TBCD: variants seen among roughly 807,000 people sequenced by gnomAD.
TBCD encodes the protein tubulin-specific chaperone D.
TBCD carries 105 observed loss-of-function variants against 169.3 expected under a neutral mutation model. The ratio of observed to expected loss-of-function variants is 0.62; its 90% CI spans 0.53 to 0.73. The LOEUF (loss-of-function observed/expected upper bound fraction) is 0.73. TBCD is among the 30% of genes least tolerant of loss of function. The pLI is 0.00. For synonymous variants in TBCD, 700 were observed against 643.9 expected (o/e 1.09, Z -1.32); for missense variants, 1,444 against 1,600.1 (o/e 0.90, Z 1.66).
rs575765328 is a variant in TBCD at position 82,898,972 on chromosome 17, C to G, written c.1650-1679C>G. 1.1e-4 allele frequency among the ~76,000 whole-genome samples: 16 copies of G among 152,372 alleles called. No homozygotes were observed. In the South Asian group the frequency reaches 1.7e-3, roughly 16 times the overall value. On this transcript the variant is annotated intron_variant, in intron 17 of 38. Transcript: ENST00000355528. Reference sequence around the variant, plus strand: ...CTTCCACGGCCAACACTCCTTCCCCCCAGCCTGTGTGCTGCTGCCCTGCCC... The same window carrying G: ...CTTCCACGGCCAACACTCCTTCCCCGCAGCCTGTGTGCTGCTGCCCTGCCC...
intron 17 of TBCD, among the ~76,000 whole-genome samples, chr17:82,894,263 C>T (rs185788217): frequency 6.6e-6 from 1 of 152,236 alleles, no homozygotes; most frequent in Admixed American, 6.5e-5. Context: ...GGGGAGGTTA[C>T]TTCAGTTATC....
intron 13 of TBCD, among the ~76,000 whole-genome samples, chr17:82,823,947 C>T (rs1222333499): frequency 6.6e-6 from 1 of 151,984 alleles, no homozygotes; most frequent in Non-Finnish European, 1.5e-5. Flanking sequence ...TTCCCTTCAA[C>T]CCTTTGTAAC....
intron 17 of TBCD, among the ~76,000 whole-genome samples, chr17:82,898,997 C>G (rs2059682859): frequency 6.6e-6 from 1 of 152,242 alleles, no homozygotes; most frequent in Non-Finnish European, 1.5e-5. Context: ...CTGCCCTGCC[C>G]TCGACGCGGA....
At position 82,789,431 on chromosome 17, in the gene TBCD, C is replaced by T. The variant is rs1337541960; in HGVS notation, c.771+7710C>T. On this transcript the variant is annotated intron_variant, in intron 7 of 38. Transcript: ENST00000355528. The surrounding 1 kb of genome is among the most constrained non-coding windows in gnomAD (Gnocchi z 4.8). ...GGTCATGTGCTAGACGGGGAGGGGG[C>T]TTGGCGGGTCACCAGCCTCACCCCG... 1.3e-5 allele frequency among the ~76,000 whole-genome samples: 2 copies of T among 152,214 alleles called. No homozygotes were observed. The highest frequency in any genetic ancestry group is 4.8e-5 in the African/African-American group (2 of 41,456).
intron 14 of TBCD, among the ~76,000 whole-genome samples, chr17:82,882,777 G>A (rs1015839138): frequency 6.6e-6 from 1 of 152,116 alleles, no homozygotes; most frequent in African/African-American, 2.4e-5. Context: ...AGGCCAGTGG[G>A]TCTGGGTCTG....
At chr17:82,926,870 C>G (rs1053080500) in intron 28 of TBCD, 3 of 501,646 alleles carry the variant, frequency 6.0e-6, no homozygotes, top group Non-Finnish European at 7.1e-6. Flanking sequence ...GGAGCAGTCC[C>G]GCGGGGGCCA....
chr17:82,921,217 T>G, intron 24 of TBCD: 1 of 510,116 alleles, frequency 2.0e-6, no homozygotes, highest in Non-Finnish European at 3.5e-6. Flanking sequence ...AGGAAAAGAT[T>G]TAGGGGTAAC....
In TBCD at chr17:82,807,615, G is replaced by A. The variant is rs372440113; in HGVS notation, c.1095G>A (p.Leu365=). The A allele has an allele frequency of 6.5e-7, 1 of 1,542,918 alleles. No individual in the cohort carries two copies. The highest frequency in any genetic ancestry group is 8.7e-7 in the Non-Finnish European group (1 of 1,143,432). Residue 365 remains leucine, a synonymous_variant, in exon 11 of 39, where the codon CTG becomes CTA. Transcript: ENST00000355528. The part of the protein sequence containing the change: ...PEGVERVIEQ[L]LVGLKDKDTV... The stretch of plus-strand genomic sequence containing the variant: ...ACCTTCCTCTTCCTACAGAGCAGCT[G>A]CTGGTCGGGCTGAAGGACAAGGACA...
intron 16 of TBCD, among the ~76,000 whole-genome samples, chr17:82,892,032 T>C (rs965784045): frequency 6.6e-6 from 1 of 152,112 alleles, no homozygotes; most frequent in African/African-American, 2.4e-5. Context: ...GGCCCCCCAC[T>C]TCCCCCCTGC....
rs750618427 is a variant in TBCD at position 82,831,862 on chromosome 17, G to A, written c.1318+16928G>A. ...GGGGTAGCCAGGAGTGTGGAAGGCC[G>A]ACTTGGTGTGGAAAGACACGGCCTT... On this transcript the variant is annotated intron_variant, in intron 13 of 38. Transcript: ENST00000355528. The surrounding 1 kb of genome is among the most constrained non-coding windows in gnomAD (Gnocchi z 4.6). 2.0e-5 allele frequency: 32 copies of A among 1,614,042 alleles called. No homozygotes were observed. The highest frequency in any genetic ancestry group is 9.9e-5 in the South Asian group (9 of 91,082).
intron 7 of TBCD, among the ~76,000 whole-genome samples, chr17:82,787,065 G>T (rs537460172): frequency 6.6e-6 from 1 of 152,224 alleles, no homozygotes; most frequent in African/African-American, 2.4e-5. Flanking sequence ...ACATCTCCAA[G>T]TTCCACGTTG....
intron 13 of TBCD, among the ~76,000 whole-genome samples, chr17:82,866,980 G>T (rs1490648825): frequency 3.3e-5 from 5 of 152,274 alleles, no homozygotes; most frequent in African/African-American, 1.2e-4. Context: ...CTGCGTGTGT[G>T]TGTTGGCCCA....
chr17:82,848,225 G>A (rs933272048), intron 13 of TBCD, among the ~76,000 whole-genome samples: 5 of 152,192 alleles, frequency 3.3e-5, no homozygotes, highest in African/African-American at 9.7e-5. Context: ...GGCTTCTGGC[G>A]GCTCTGCAGG....
At chr17:82,793,224 T>A (rs973861322) in intron 7 of TBCD, among the ~76,000 whole-genome samples, 1 of 152,230 alleles carries the variant, frequency 6.6e-6, no homozygotes, top group Non-Finnish European at 1.5e-5. Flanking sequence ...TCAATGGCTT[T>A]TTTCCTCTGA....
chr17:82,883,902 C>T (rs771371352), intron 14 of TBCD, among the ~76,000 whole-genome samples: 17 of 152,164 alleles, frequency 1.1e-4, no homozygotes, highest in Non-Finnish European at 1.8e-4. Flanking sequence ...CGGTGTGCAC[C>T]GTCTCGTGGC....
At chr17:82,783,706 AGCCAACGTGTGGGTATTTTCCATAT>A (rs2049105463) in intron 7 of TBCD, among the ~76,000 whole-genome samples, 1 of 152,196 alleles carries the variant, frequency 6.6e-6, no homozygotes, top group African/African-American at 2.4e-5. Context: ...CCGAATCATA[AGCCAACGTGTGGGTATTTTCCATAT>A]GCCAGCGTGT....
intron 13 of TBCD, among the ~76,000 whole-genome samples, chr17:82,857,915 T>C (rs1236296277): frequency 7.7e-6 from 1 of 129,956 alleles, no homozygotes; most frequent in African/African-American, 2.7e-5. Context: ...TTTTAATTTG[T>C]TTTAGTTTTT....
chr17:82,914,826 C>G (rs1174767979), intron 23 of TBCD, among the ~76,000 whole-genome samples: 1 of 152,204 alleles, frequency 6.6e-6, no homozygotes, highest in Non-Finnish European at 1.5e-5. Flanking sequence ...CCTCCTCGTT[C>G]ATTTTTACAC....
At chr17:82,779,597 A>G (rs1211347325) in intron 6 of TBCD, among the ~76,000 whole-genome samples, 1 of 152,162 alleles carries the variant, frequency 6.6e-6, no homozygotes, top group Non-Finnish European at 1.5e-5. Context: ...TGTGAGGGCC[A>G]TGACCGAGTA....
Sources: gnomAD v4.1 joint callset for allele counts (sites outside exome capture counted in the v4.1 genomes callset) on GRCh38, gnomAD v4.1.1 for gene constraint, Gnocchi (gnomAD v3.1) non-coding constraint, MANE v1.5 for transcripts, NCBI Gene and HGNC (gene_info 2026-07-23, HGNC 2026-07-21) for gene names.